Variants in NCKAP5 observed in about 807,000 individuals in gnomAD.
The protein encoded by NCKAP5 is nck-associated protein 5.
NCKAP5 carries 92 observed loss-of-function variants against 167.0 expected under a neutral mutation model. The observed-to-expected ratio is 0.55, with a 90% confidence interval of 0.47 to 0.66. NCKAP5 has a LOEUF of 0.66. NCKAP5 is among the 30% of genes least tolerant of loss of function. The pLI is 0.00. For missense variants in NCKAP5, 2,378 were observed against 2,315.0 expected (o/e 1.03, Z -0.56); for synonymous variants, 891 against 877.4 (o/e 1.02, Z -0.27).
chr2:133,512,003 C>T (rs1194591088), intron 3 of NCKAP5, among the ~76,000 whole-genome samples: 1 of 152,110 alleles, frequency 6.6e-6, no homozygotes, highest in Non-Finnish European at 1.5e-5. Context: ...GGGCTCTGTG[C>T]AGTATCCCTA....
chr2:133,463,235 C>T (rs965684236), intron 3 of NCKAP5, among the ~76,000 whole-genome samples: 1 of 152,198 alleles, frequency 6.6e-6, no homozygotes, highest in Non-Finnish European at 1.5e-5. Flanking sequence ...TTTTTAGATA[C>T]AAATCAGGTT....
chr2:133,563,564 T>TAAAAAAAAAAAAAA (rs57901498), intron 1 of NCKAP5, among the ~76,000 whole-genome samples: 2 of 53,014 alleles, frequency 3.8e-5, no homozygotes, highest in African/African-American at 1.4e-4. Context: ...AAAGACTCCA[T>TAAAAAAAAAAAAAA]AAAAAAAAAA....
chr2:133,070,855 C>T (rs1293877372), intron 6 of NCKAP5, among the ~76,000 whole-genome samples: 2 of 152,156 alleles, frequency 1.3e-5, no homozygotes, highest in East Asian at 1.9e-4. Context: ...ATATAGTACA[C>T]GCATATAACA....
chr2:133,357,037 G>A (rs1283274819), intron 3 of NCKAP5, among the ~76,000 whole-genome samples: 3 of 152,262 alleles, frequency 2.0e-5, no homozygotes, highest in Admixed American at 6.5e-5. Context: ...GTTTCAATTT[G>A]ACTGAAGTAT....
At chr2:133,384,550 G>C (rs1010172856) in intron 3 of NCKAP5, among the ~76,000 whole-genome samples, 1 of 152,158 alleles carries the variant, frequency 6.6e-6, no homozygotes, top group Non-Finnish European at 1.5e-5. Context: ...CTCTTTTTTG[G>C]TTCCATGTGA....
chr2:133,254,279 C>A (rs1263626659), intron 4 of NCKAP5, among the ~76,000 whole-genome samples: 1 of 152,082 alleles, frequency 6.6e-6, no homozygotes, highest in East Asian at 1.9e-4. Context: ...TGTAAGTAGT[C>A]CTGCTAGAGA....
At chr2:133,039,943 C>T (rs1384354570) in intron 6 of NCKAP5, among the ~76,000 whole-genome samples, 2 of 152,122 alleles carry the variant, frequency 1.3e-5, no homozygotes, top group Non-Finnish European at 2.9e-5. Context: ...TATACATGAG[C>T]TCAAAGATTT....
chr2:133,286,513 GC>G (rs1282200640), intron 4 of NCKAP5, among the ~76,000 whole-genome samples: 2 of 152,196 alleles, frequency 1.3e-5, no homozygotes, highest in African/African-American at 4.8e-5. Context: ...TATGCATGAT[GC>G]AATGCTGGAA....
the NCKAP5 span, among the ~76,000 whole-genome samples, chr2:133,586,485 ATAT>A: frequency 6.6e-6 from 1 of 152,134 alleles, no homozygotes; most frequent in Admixed American, 6.5e-5. Context: ...ACTGGGTCAC[ATAT>A]TATTGTATCA....
chr2:133,139,371 T>A (rs1189960165), intron 5 of NCKAP5, among the ~76,000 whole-genome samples: 1 of 152,128 alleles, frequency 6.6e-6, no homozygotes, highest in African/African-American at 2.4e-5. Context: ...ATTTTGGGGG[T>A]TAGTGAAAGT....
At position 133,202,296 on chromosome 2, in the gene NCKAP5, C is replaced by T. The variant is rs2085731069; in HGVS notation, c.207+11420G>A. Among the ~76,000 whole-genome samples, 3 of 152,124 alleles carry T rather than the reference C, an allele frequency of 2.0e-5. No homozygotes were observed. The South Asian group carries it at 6.2e-4, about 32-fold the overall frequency. ...AAGAAGAAATGGGGAAAGGATTTCC[C>T]TATTTAATAAATGGTGCTGGGAAAA... On this transcript the variant is annotated intron_variant, in intron 5 of 19. Coordinates refer to ENST00000409261, the MANE Select transcript of NCKAP5 (RefSeq NM_207363.3).
the NCKAP5 span, among the ~76,000 whole-genome samples, chr2:133,663,426 G>GA: frequency 6.6e-6 from 1 of 152,094 alleles, no homozygotes; most frequent in Non-Finnish European, 1.5e-5. Context: ...GTTAAAATAA[G>GA]AAAAAAATAA....
chr2:132,717,217 G>A (rs1358252867), intron 19 of NCKAP5, among the ~76,000 whole-genome samples: 4 of 152,106 alleles, frequency 2.6e-5, no homozygotes, highest in Non-Finnish European at 5.9e-5. Context: ...CATCCACTTC[G>A]AGCTGGGATG....
chr2:132,704,085 G>A (rs1688128077), intron 19 of NCKAP5, among the ~76,000 whole-genome samples: 2 of 152,170 alleles, frequency 1.3e-5, no homozygotes, highest in African/African-American at 2.4e-5. Flanking sequence ...TAGCAGAAAA[G>A]CTACCTATAT....
At chr2:133,030,409 G>T (rs1156981512) in intron 6 of NCKAP5, among the ~76,000 whole-genome samples, 1 of 152,152 alleles carries the variant, frequency 6.6e-6, no homozygotes, top group East Asian at 1.9e-4. Flanking sequence ...TGGGCACCAT[G>T]GTGAGCCTGT....
At chr2:133,512,465 A>T (rs1329496318) in intron 3 of NCKAP5, among the ~76,000 whole-genome samples, 1 of 152,178 alleles carries the variant, frequency 6.6e-6, no homozygotes, top group Non-Finnish European at 1.5e-5. Context: ...TTTGTAATTA[A>T]AGTGTTTTTG....
At chr2:132,968,892 A>C (rs928132314) in intron 7 of NCKAP5, among the ~76,000 whole-genome samples, 10 of 152,210 alleles carry the variant, frequency 6.6e-5, no homozygotes, top group Non-Finnish European at 1.0e-4. Context: ...TGTCTGAAGA[A>C]CTAAAAAGAA....
At chr2:132,839,064 T>G (rs1326544504) in intron 11 of NCKAP5, among the ~76,000 whole-genome samples, 2 of 152,228 alleles carry the variant, frequency 1.3e-5, no homozygotes, top group Non-Finnish European at 2.9e-5. Context: ...CTTACATGTC[T>G]TTTTCTTGTC....
intron 8 of NCKAP5, among the ~76,000 whole-genome samples, chr2:132,952,606 T>C (rs752860159): frequency 6.6e-6 from 1 of 152,148 alleles, no homozygotes; most frequent in Non-Finnish European, 1.5e-5. Flanking sequence ...GAGATGCTAA[T>C]AAAACCCAAG....
Sources: gnomAD v4.1 joint callset for allele counts (sites outside exome capture counted in the v4.1 genomes callset) on GRCh38, gnomAD v4.1.1 for gene constraint, MANE v1.5 for transcripts, NCBI Gene and HGNC (gene_info 2026-07-23, HGNC 2026-07-21) for gene names.